RBMS3: variants seen among roughly 807,000 people sequenced by gnomAD.
The protein encoded by RBMS3 is RNA binding motif single stranded interacting protein 3.
Under a neutral mutation model 66.8 loss-of-function variants are expected in RBMS3, and 27 were observed. The observed-to-expected ratio is 0.40, with a 90% CI of 0.30 to 0.56. The LOEUF is 0.56. Among genes scored for constraint, RBMS3 ranks in the 20% least tolerant of loss-of-function variants. RBMS3 has a pLI of 0.40. For synonymous variants in RBMS3, 188 were observed against 183.0 expected (o/e 1.03, Z -0.22); for missense variants, 513 against 549.5 (o/e 0.93, Z 0.66).
At chr3:29,742,887 A>T (rs2054704863) in intron 5 of RBMS3, among the ~76,000 whole-genome samples, 1 of 152,220 alleles carries the variant, frequency 6.6e-6, no homozygotes, top group Non-Finnish European at 1.5e-5. Context: ...AAATTTAGGT[A>T]TCTGTATTTC....
At chr3:29,399,848 A>G (rs2039729200) in intron 1 of RBMS3, among the ~76,000 whole-genome samples, 1 of 152,192 alleles carries the variant, frequency 6.6e-6, no homozygotes, top group Non-Finnish European at 1.5e-5. Context: ...TGGCTAAATC[A>G]GCTAAAACTA....
At position 29,434,825 on chromosome 3, in the gene RBMS3, G is replaced by A. The variant is rs781478839; in HGVS notation, c.158G>A (p.Ser53Asn). Residue 53 changes from serine (S) to asparagine (N), a missense_variant, in exon 2 of 15, where the codon AGC (serine) becomes AAC (asparagine). Coordinates refer to ENST00000383767, the MANE Select transcript of RBMS3 (RefSeq NM_001003793.3). ...NSSSNNSSNN[S>N]SGEQLSKTNL... is the part of the protein sequence containing the mutation. Reference sequence around the variant, plus strand: ...AGCAGCAACAACAGCAGCAACAACAGCAGCGGGGAACAGTTGAGTAAAACC... The same window carrying A: ...AGCAGCAACAACAGCAGCAACAACAACAGCGGGGAACAGTTGAGTAAAACC... 6.2e-6 allele frequency: 10 copies of A among 1,614,010 alleles called. No individual in the cohort carries two copies. Among genetic ancestry groups the A allele is most frequent in the Admixed American group, 1.7e-5 (1 of 59,992 alleles).
chr3:29,450,938 A>C lies in RBMS3; in HGVS notation c.248+16023A>C, dbSNP rs73828658. On this transcript the variant is annotated intron_variant, in intron 2 of 14. Coordinates refer to ENST00000383767, the MANE Select transcript of RBMS3 (RefSeq NM_001003793.3). Reference sequence around the variant, plus strand: ...ACACACACACACACACACACCCCCCACACACACACATGGTGTCTATATGCT... The same window carrying C: ...ACACACACACACACACACACCCCCCCCACACACACATGGTGTCTATATGCT... Among the ~76,000 whole-genome samples, 123 of 119,262 alleles carry C rather than the reference A, an allele frequency of 1.0e-3. No homozygotes were observed. In the South Asian group the frequency reaches 0.011, roughly 10 times the overall value. The allele number at this position is 119,262 out of a possible 152,430, so 78.2% of individuals were successfully genotyped here. A position where few individuals can be genotyped will look rare whatever the true frequency, so the allele number is the denominator to read the frequency against.
At chr3:29,910,679 G>A (rs954134793) in intron 10 of RBMS3, among the ~76,000 whole-genome samples, 3 of 151,796 alleles carry the variant, frequency 2.0e-5, no homozygotes, top group Non-Finnish European at 4.4e-5. Flanking sequence ...TGAGGCTTGA[G>A]TTTTATAGGT....
chr3:29,333,567 T>C (rs2035786288), intron 1 of RBMS3, among the ~76,000 whole-genome samples: 1 of 152,162 alleles, frequency 6.6e-6, no homozygotes, highest in Non-Finnish European at 1.5e-5. Context: ...AAATTTATAG[T>C]GAAGCTACAA....
chr3:29,679,594 A>C (rs1002377309), intron 4 of RBMS3, among the ~76,000 whole-genome samples: 2 of 152,096 alleles, frequency 1.3e-5, no homozygotes, highest in Non-Finnish European at 2.9e-5. Flanking sequence ...CAGGCCAAGC[A>C]GTGAACCCTT....
At chr3:29,404,369 G>A (rs1407665970) in intron 1 of RBMS3, among the ~76,000 whole-genome samples, 1 of 152,026 alleles carries the variant, frequency 6.6e-6, no homozygotes, top group East Asian at 1.9e-4. Flanking sequence ...TTACATGATT[G>A]CTGAAATCCA....
intron 1 of RBMS3, among the ~76,000 whole-genome samples, chr3:29,325,052 G>A (rs2035239794): frequency 6.6e-6 from 1 of 152,124 alleles, no homozygotes; most frequent in Admixed American, 6.6e-5. Flanking sequence ...CAACTTGAAT[G>A]TCCATTAATA....
chr3:29,553,931 A>T lies in RBMS3; in HGVS notation c.308-33183A>T, dbSNP rs1015283996. ...TGTGGATACAATCTCTGAATTTGTG[A>T]GTTAATGTTTGAACATTTTATAATT... On this transcript the variant is annotated intron_variant, in intron 3 of 14. Coordinates refer to ENST00000383767, the MANE Select transcript of RBMS3 (RefSeq NM_001003793.3). 3.3e-5 allele frequency among the ~76,000 whole-genome samples: 5 copies of T among 152,080 alleles called. 1 individual carries two copies. Among genetic ancestry groups the T allele is most frequent in the Middle Eastern group, 3.4e-3 (1 of 290 alleles).
chr3:29,669,977 C>T (rs1421600871), intron 4 of RBMS3, among the ~76,000 whole-genome samples: 2 of 152,120 alleles, frequency 1.3e-5, no homozygotes, highest in African/African-American at 4.8e-5. Context: ...TATATAAGGG[C>T]TTTCAACTTA....
intron 2 of RBMS3, among the ~76,000 whole-genome samples, chr3:29,461,920 A>ATTTTTT (rs61115023): frequency 1.2e-4 from 11 of 93,300 alleles, no homozygotes; most frequent in Non-Finnish European, 1.8e-4. Flanking sequence ...TGCCCGGCTA[A>ATTTTTT]TTTTTTTTTT....
At chr3:29,457,563 T>TA (rs111450258) in intron 2 of RBMS3, among the ~76,000 whole-genome samples, 6,443 of 151,992 alleles carry the variant, frequency 0.042, 273 homozygotes, top group East Asian at 0.25. Flanking sequence ...CTCTACTAAA[T>TA]ATACAAAAAT....
intron 6 of RBMS3, among the ~76,000 whole-genome samples, chr3:29,849,998 A>C (rs1576989875): frequency 6.6e-6 from 1 of 152,188 alleles, no homozygotes; most frequent in South Asian, 2.1e-4. Context: ...TGCCTTTTGC[A>C]CTTCTGGTAA....
At chr3:29,409,171 A>AT (rs760934897) in intron 1 of RBMS3, among the ~76,000 whole-genome samples, 4 of 146,208 alleles carry the variant, frequency 2.7e-5, no homozygotes, top group Admixed American at 6.8e-5. Context: ...ATAGAAATAG[A>AT]TAAAAAAAAG....
chr3:29,479,337 C>G (rs2043055764), intron 2 of RBMS3, among the ~76,000 whole-genome samples: 1 of 150,414 alleles, frequency 6.6e-6, no homozygotes, highest in Non-Finnish European at 1.5e-5. Flanking sequence ...TGTATATATA[C>G]ATGTAATCCA....
intron 4 of RBMS3, among the ~76,000 whole-genome samples, chr3:29,713,205 T>TC (rs542720302): frequency 1.4e-4 from 21 of 151,822 alleles, no homozygotes; most frequent in South Asian, 6.3e-4. Flanking sequence ...TCTCTTCATT[T>TC]CCCCCCCATT....
intron 7 of RBMS3, chr3:29,880,945 A>G: frequency 9.6e-7 from 1 of 1,037,170 alleles, no homozygotes; most frequent in South Asian, 1.4e-5. Context: ...TCTGTTTTCC[A>G]GGGAGCTCAT....
intron 13 of RBMS3, among the ~76,000 whole-genome samples, chr3:29,988,566 T>C (rs1268392258): frequency 2.0e-5 from 3 of 152,298 alleles, no homozygotes; most frequent in Admixed American, 6.5e-5. Flanking sequence ...AATTCTCTAA[T>C]GCCTTGTTCC....
rs1483143095 is a variant in RBMS3 at position 29,286,851 on chromosome 3, A to G, written c.75+5095A>G. On this transcript the variant is annotated intron_variant, in intron 1 of 14. Transcript: ENST00000383767. Reference sequence around the variant, plus strand: ...AACAACAAAAAAAGTATTTTCTTTTAAAATAAAACTTTTTTAATGTCAAAC... The same window carrying G: ...AACAACAAAAAAAGTATTTTCTTTTGAAATAAAACTTTTTTAATGTCAAAC... Among the ~76,000 whole-genome samples the G allele has an allele frequency of 2.0e-5, 3 of 152,148 alleles. No homozygotes were observed. In the South Asian group the frequency reaches 6.2e-4, roughly 31 times the overall value.
Sources: allele counts gnomAD v4.1 joint callset (sites outside exome capture counted in the v4.1 genomes callset), GRCh38; gene constraint gnomAD v4.1.1; transcripts MANE v1.5; gene names NCBI Gene and HGNC (gene_info 2026-07-23, HGNC 2026-07-21).